Variants in AXIN1 observed in about 807,000 individuals in gnomAD.
AXIN1 encodes the protein axin-1.
AXIN1 carries 30 observed loss-of-function variants against 76.4 expected under a neutral mutation model. The ratio of observed to expected loss-of-function variants is 0.39; its 90% CI spans 0.29 to 0.53. AXIN1 has a LOEUF of 0.53. Ranked by LOEUF, AXIN1 falls within the 20% of genes least tolerant of loss-of-function variation. The probability of loss-of-function intolerance (pLI) is 0.66; values close to 1 mark genes in which losing one functional copy is unlikely to be tolerated. For synonymous variants in AXIN1, 545 were observed against 501.4 expected (o/e 1.09, Z -1.16); for missense variants, 1,140 against 1,198.8 (o/e 0.95, Z 0.72).
intron 2 of AXIN1, among the ~76,000 whole-genome samples, chr16:335,417 C>T (rs924338351): frequency 2.0e-5 from 3 of 152,002 alleles, no homozygotes; most frequent in African/African-American, 7.3e-5. Context: ...GCTAATTACA[C>T]AGCACCCAGT....
chr16:332,977 G>C (rs748248935), intron 2 of AXIN1, among the ~76,000 whole-genome samples: 7 of 152,158 alleles, frequency 4.6e-5, no homozygotes, highest in Non-Finnish European at 1.0e-4. Flanking sequence ...TCAAGGCCTG[G>C]AGCTTGAGAC....
chr16:328,900 G>A (rs373785068), intron 2 of AXIN1, among the ~76,000 whole-genome samples: 3 of 151,802 alleles, frequency 2.0e-5, no homozygotes, highest in Non-Finnish European at 2.9e-5. Context: ...GAGAGATGGC[G>A]GGCAGGGAGG....
At chr16:324,925 G>A (rs1431928599) in intron 2 of AXIN1, among the ~76,000 whole-genome samples, 2 of 152,236 alleles carry the variant, frequency 1.3e-5, no homozygotes, top group South Asian at 2.1e-4. Context: ...TCCTAAGGGC[G>A]CAGAACTCCG....
chr16:312,281 C>A (rs918605138), intron 3 of AXIN1, among the ~76,000 whole-genome samples: 3 of 152,198 alleles, frequency 2.0e-5, no homozygotes, highest in African/African-American at 7.2e-5. Context: ...CCACTTTTTA[C>A]CTCTGATTTG....
Position 314,567 on chromosome 16 carries a change from G to A in AXIN1, c.995C>T (p.Thr332Ile), listed in dbSNP as rs753778708. ...EQQSLSSDAD[T>I]LSLTDSSVDG... The stretch of plus-strand genomic sequence containing the variant: ...CACGCTGCTGTCCGTGAGGGACAGG[G>A]TGTCTGCATCGCTGGACAGGCTCTG... The change falls in exon 3 of 11, where the codon ACC (threonine) becomes ATC (isoleucine). Residue 332 changes from threonine (T) to isoleucine (I), a missense_variant. Physicochemically the swap from Thr to Ile is moderately conservative, Grantham distance 89 (BLOSUM62 -1). This residue lies in a region of AXIN1 where 708 missense variants were observed against 776.9 expected (regional missense o/e 0.91). Coordinates refer to ENST00000262320, the MANE Select transcript of AXIN1 (RefSeq NM_003502.4). The A allele has an allele frequency of 2.1e-5, 34 of 1,613,814 alleles. No homozygotes were observed. The Admixed American group carries it at 5.7e-4, about 27-fold the overall frequency.
chr16:298,336 G>A (rs2141517801), intron 5 of AXIN1, 85 bp from the exon 6 acceptor site: 1 of 1,525,788 alleles, frequency 6.6e-7, no homozygotes, highest in Non-Finnish European at 8.8e-7. Context: ...TGACCCAGCA[G>A]CCCCAGCAGA....
At position 291,203 on chromosome 16, in the gene AXIN1, G is replaced by A. The variant is rs754763194; in HGVS notation, c.2281C>T (p.Leu761Phe). ...HVVPAVSDME[L>F]SETETRSQRK... Reference sequence around the variant, plus strand: ...GGACGCACGTACTCTGTCTCGGAGAGCTCCATGTCCGACACGGCTGGTACC... The same window carrying A: ...GGACGCACGTACTCTGTCTCGGAGAACTCCATGTCCGACACGGCTGGTACC... The change falls in exon 9 of 11, where the codon CTC becomes TTC. Residue 761 changes from leucine to phenylalanine, a missense_variant. Around this residue, in one of 3 missense-constraint regions of AXIN1, gnomAD observed 429 missense variants for 405.8 expected, o/e 1.06. Transcript: ENST00000262320. 4.4e-6 allele frequency: 7 copies of A among 1,587,262 alleles called. No individual in the cohort carries two copies. In the South Asian group the frequency reaches 6.9e-5, roughly 16 times the overall value.
intron 4 of AXIN1, among the ~76,000 whole-genome samples, chr16:307,241 T>C (rs900647074): frequency 6.6e-6 from 1 of 152,082 alleles, no homozygotes; most frequent in African/African-American, 2.4e-5. Context: ...GGAGCACTCA[T>C]GCCGCCACGC....
intron 2 of AXIN1, among the ~76,000 whole-genome samples, chr16:327,595 C>A (rs528825115): frequency 6.6e-6 from 1 of 152,370 alleles, no homozygotes; most frequent in African/African-American, 2.4e-5. Flanking sequence ...TTTCTGCAGA[C>A]TGTCCACAGG....
intron 2 of AXIN1, among the ~76,000 whole-genome samples, chr16:322,114 CAG>C (rs567030299): frequency 2.9e-4 from 44 of 152,342 alleles, no homozygotes; most frequent in African/African-American, 9.4e-4. Flanking sequence ...CTGAGAAGCA[CAG>C]AGAGCCCCGT....
Position 289,544 on chromosome 16 carries a change from C to T in AXIN1, c.2358G>A (p.Ala786=), listed in dbSNP as rs199901645. The change falls in exon 10 of 11, where the codon GCG becomes GCA. Residue 786 remains alanine (A), a synonymous_variant. Transcript: ENST00000262320. The part of the protein sequence containing the change: ...SAQPCDSIVV[A]YYFCGEPIPY... ...GGATGGGTTCCCCGCAGAAGTAGTA[C>T]GCCACAACGATGCTGTCACACGGCT... 613 of 1,613,000 alleles carry T rather than the reference C, an allele frequency of 3.8e-4. 1 individual carries two copies. The South Asian group carries it at 4.9e-3, about 13-fold the overall frequency.
chr16:319,384 G>A (rs17136103), intron 2 of AXIN1, among the ~76,000 whole-genome samples: 5,453 of 152,248 alleles, frequency 0.036, 318 homozygotes, highest in African/African-American at 0.12. Context: ...AGGGAAAAAC[G>A]TGCCCATCAC....
intron 4 of AXIN1, among the ~76,000 whole-genome samples, chr16:308,148 G>A (rs948248803): frequency 2.6e-5 from 4 of 152,362 alleles, no homozygotes; most frequent in Admixed American, 2.6e-4. Context: ...GCTCCTGTCT[G>A]TGCCTGCCGC....
intron 7 of AXIN1, among the ~76,000 whole-genome samples, chr16:296,358 G>A (rs1401562806): frequency 6.6e-6 from 1 of 152,248 alleles, no homozygotes; most frequent in Non-Finnish European, 1.5e-5. Flanking sequence ...GTCTGAGGAA[G>A]CTGGGGCCAT....
In AXIN1 at chr16:287,463, T is replaced by TCATTATTATCCAAGTACC; in HGVS notation, c.*641_*658dup. 2.4e-6 allele frequency: 1 copy of TCATTATTATCCAAGTACC among 420,244 alleles called. No homozygotes were observed. The highest frequency in any genetic ancestry group is 4.3e-6 in the Non-Finnish European group (1 of 235,060). The allele number at this position is 420,244 out of a possible 1,614,324, so 26.0% of individuals were successfully genotyped here. A position where few individuals can be genotyped will look rare whatever the true frequency, so the allele number is the denominator to read the frequency against. On this transcript the variant is annotated 3_prime_UTR_variant, in exon 11 of 11. Coordinates refer to ENST00000262320, the MANE Select transcript of AXIN1 (RefSeq NM_003502.4). ...GGGCAGGTTCAAAAACAGTTTTATT[T>TCATTATTATCCAAGTACC]CATTATTATCCAAGTACCTTTGAAA... is the stretch of plus-strand genomic sequence containing the variant.
chr16:323,222 G>C (rs1022541162), intron 2 of AXIN1, among the ~76,000 whole-genome samples: 3 of 150,288 alleles, frequency 2.0e-5, no homozygotes, highest in Non-Finnish European at 3.0e-5. Flanking sequence ...GGCATATCAC[G>C]AGGTCAGGAG....
intron 3 of AXIN1, among the ~76,000 whole-genome samples, chr16:311,719 C>T (rs1480624316): frequency 6.6e-6 from 1 of 152,094 alleles, no homozygotes; most frequent in South Asian, 2.1e-4. Context: ...TGCAGTGAGG[C>T]GAGATTGTGC....
At chr16:335,465 G>C (rs1281694671) in intron 2 of AXIN1, among the ~76,000 whole-genome samples, 1 of 151,756 alleles carries the variant, frequency 6.6e-6, no homozygotes, top group East Asian at 1.9e-4. Context: ...CAGTACCACA[G>C]CACACCAATA....
At chr16:308,172 C>T (rs1455187426) in intron 4 of AXIN1, among the ~76,000 whole-genome samples, 1 of 152,228 alleles carries the variant, frequency 6.6e-6, no homozygotes, top group African/African-American at 2.4e-5. Context: ...TGTTGGCTTT[C>T]ATCTTCCTGG....
Sources: allele counts gnomAD v4.1 joint callset (sites outside exome capture counted in the v4.1 genomes callset), GRCh38; gene constraint gnomAD v4.1.1; regional missense constraint gnomAD v4.1.1; transcripts MANE v1.5; gene names NCBI Gene and HGNC (gene_info 2026-07-23, HGNC 2026-07-21).